BDP1: variants seen among roughly 807,000 people sequenced by gnomAD.
The protein encoded by BDP1 is BDP1 general transcription factor IIIB subunit.
BDP1 carries 169 observed loss-of-function variants against 266.6 expected under a neutral mutation model. The ratio of observed to expected loss-of-function variants is 0.63; its 90% CI spans 0.56 to 0.72. The LOEUF (loss-of-function observed/expected upper bound fraction) is 0.72. Among genes scored for constraint, BDP1 ranks in the 30% least tolerant of loss-of-function variants. The pLI is 0.00. For missense variants in BDP1, 3,015 were observed against 3,053.8 expected (o/e 0.99, Z 0.30); for synonymous variants, 1,090 against 1,022.4 (o/e 1.07, Z -1.26).
rs1038391424 is a variant in BDP1, at chr5:71,562,567, A to G, written c.7743+47A>G. Reference sequence around the variant, plus strand: ...TTATAGTTTGTATGAGATGGGTTGGATATGAGATTCAACTAGGGAAAACAT... The same window carrying G: ...TTATAGTTTGTATGAGATGGGTTGGGTATGAGATTCAACTAGGGAAAACAT... On this transcript the variant is annotated intron_variant, in intron 38 of 38. Coordinates refer to ENST00000358731, the MANE Select transcript of BDP1 (RefSeq NM_018429.3). 9.5e-6 allele frequency: 15 copies of G among 1,577,738 alleles called. No homozygotes were observed. In the African/African-American group the frequency reaches 1.6e-4, roughly 17 times the overall value.
At chr5:71,545,368 G>A in intron 32 of BDP1, 149 bp downstream of exon 32, 1 of 786,302 alleles carries the variant, frequency 1.3e-6, no homozygotes, top group South Asian at 1.8e-5. Flanking sequence ...GTCTTGTTCT[G>A]TTGCCCAGGC....
chr5:71,531,331 T>G (rs904340619), intron 25 of BDP1, among the ~76,000 whole-genome samples: 1 of 151,980 alleles, frequency 6.6e-6, no homozygotes, highest in African/African-American at 2.4e-5. Flanking sequence ...GTAAATACCT[T>G]TTTAGTGCTC....
chr5:71,474,517 A>T (rs1762467936), intron 7 of BDP1, among the ~76,000 whole-genome samples: 1 of 151,884 alleles, frequency 6.6e-6, no homozygotes, highest in Non-Finnish European at 1.5e-5. Context: ...TTTTTTGTAC[A>T]GATGAGTTTT....
intron 30 of BDP1, among the ~76,000 whole-genome samples, chr5:71,544,066 A>G (rs1664876817): frequency 6.6e-6 from 1 of 152,204 alleles, no homozygotes; most frequent in Non-Finnish European, 1.5e-5. Flanking sequence ...AGTCTCTTTT[A>G]TATGTTGAGT....
At chr5:71,470,540 A>C (rs1762175123) in intron 7 of BDP1, 51 bp downstream of exon 7, 2 of 1,199,326 alleles carry the variant, frequency 1.7e-6, no homozygotes, top group Admixed American at 2.0e-5. Context: ...AAACATTACA[A>C]ATGTTAGTAG....
rs1744100726 is a variant in BDP1, at chr5:71,567,472, T to G, written c.*2587T>G. The stretch of plus-strand genomic sequence containing the variant: ...TGGAAAGAACTATGTTAGGTCTGAT[T>G]CATGTGAAGAAGATGTTGCAAAGGA... On this transcript the variant is annotated 3_prime_UTR_variant, in exon 39 of 39. Transcript: ENST00000358731. 1 of 152,298 alleles carries G rather than the reference T, an allele frequency of 6.6e-6. No individual in the cohort carries two copies. Among genetic ancestry groups the G allele is most frequent in the South Asian group, 2.1e-4 (1 of 4,834 alleles). The allele number at this position is 152,298 out of a possible 1,614,324, so 9.4% of individuals were successfully genotyped here. A position where few individuals can be genotyped will look rare whatever the true frequency, so the allele number is the denominator to read the frequency against.
Position 71,471,641 on chromosome 5 carries a change from C to G in BDP1, c.1014+1152C>G, listed in dbSNP as rs187002466. On this transcript the variant is annotated intron_variant, in intron 7 of 38. Transcript: ENST00000358731. ...ATATGCCCAAGAGGATGAGCTTTCT[C>G]TGTTTTTTAGTTTCTTTGCTTGAGA... Among the ~76,000 whole-genome samples the G allele has an allele frequency of 2.5e-3, 380 of 152,284 alleles. 2 individuals carry two copies. The highest frequency in any genetic ancestry group is 8.2e-3 in the African/African-American group (340 of 41,560).
chr5:71,502,416 C>T (rs889253478), intron 14 of BDP1, among the ~76,000 whole-genome samples, 183 bp from the exon 15 acceptor site: 13 of 151,974 alleles, frequency 8.6e-5, no homozygotes, highest in African/African-American at 2.9e-4. Flanking sequence ...TCAAATGATT[C>T]GCCCGCCTCG....
chr5:71,489,500 C>T lies in BDP1; in HGVS notation c.1310C>T (p.Thr437Ile), dbSNP rs1763457617. 4 of 1,614,022 alleles carry T rather than the reference C, an allele frequency of 2.5e-6. No individual in the cohort carries two copies. The highest frequency in any genetic ancestry group is 1.7e-4 in the Middle Eastern group (1 of 6,060). Residue 437 changes from threonine to isoleucine, a missense_variant, in exon 10 of 39, where the codon ACA becomes ATA. Thr to Ile is a moderately conservative substitution (Grantham distance 89, BLOSUM62 -1). Transcript: ENST00000358731. Reference sequence around the variant, plus strand: ...GAAAGATCTCAGAAGGATGCTCAGACAGTTGAAGAAGAGTCTCTGACCTTA... The same window carrying T: ...GAAAGATCTCAGAAGGATGCTCAGATAGTTGAAGAAGAGTCTCTGACCTTA... The part of the protein sequence containing the change: ...DTERSQKDAQ[T>I]VEEESLTLSR...
rs1461434719 is a variant in BDP1 at position 71,565,833 on chromosome 5, A to G, written c.*948A>G. 6.5e-6 allele frequency: 1 copy of G among 152,714 alleles called. No homozygotes were observed. The highest frequency in any genetic ancestry group is 2.4e-5 in the African/African-American group (1 of 41,452). 9.5% of individuals were successfully genotyped at this position (152,714 alleles called of 1,614,324 possible). ...TGAAAAATACATATTTTTCTAATTC[A>G]TGGTGATGTAACATTAGTCCTAATT... On this transcript the variant is annotated 3_prime_UTR_variant, in exon 39 of 39. Coordinates refer to ENST00000358731, the MANE Select transcript of BDP1 (RefSeq NM_018429.3).
At chr5:71,551,922 C>A (rs1303866338) in intron 34 of BDP1, among the ~76,000 whole-genome samples, 1 of 149,868 alleles carries the variant, frequency 6.7e-6, no homozygotes, top group Non-Finnish European at 1.5e-5. Context: ...CCACCTCCCT[C>A]CCGGACGGGG....
At chr5:71,491,555 T>C (rs1167819846) in intron 11 of BDP1, among the ~76,000 whole-genome samples, 1 of 152,124 alleles carries the variant, frequency 6.6e-6, no homozygotes, top group East Asian at 1.9e-4. Context: ...AGATTTTTTA[T>C]GTGTACTATA....
At chr5:71,534,748 T>TTGTCCTATCAAG (rs775980240) in intron 26 of BDP1, among the ~76,000 whole-genome samples, 1 of 152,084 alleles carries the variant, frequency 6.6e-6, no homozygotes, top group Non-Finnish European at 1.5e-5. Context: ...TTCAAGCAAT[T>TTGTCCTATCAAG]CTCCTGTCTC....
chr5:71,515,939 TTTAA>T (rs1765191317), intron 20 of BDP1, 118 bp from the exon 21 acceptor site: 1 of 642,004 alleles, frequency 1.6e-6, no homozygotes, highest in East Asian at 2.8e-5. Flanking sequence ...GCAATTTCCC[TTTAA>T]TGGTACAAAG....
chr5:71,536,526 A>G (rs1766605838), intron 26 of BDP1, among the ~76,000 whole-genome samples: 1 of 152,232 alleles, frequency 6.6e-6, no homozygotes, highest in African/African-American at 2.4e-5. Context: ...GGTTTTCTTT[A>G]GGAAGCAATT....
chr5:71,491,919 A>G (rs974603566), intron 11 of BDP1, among the ~76,000 whole-genome samples: 3 of 152,032 alleles, frequency 2.0e-5, no homozygotes, highest in Admixed American at 2.0e-4. Flanking sequence ...GGGTTTCACC[A>G]TTTTGCTCAG....
intron 16 of BDP1, 57 bp downstream of exon 16, chr5:71,504,808 C>CAA: frequency 6.4e-7 from 1 of 1,562,690 alleles, no homozygotes. Context: ...TTTTAGAACT[C>CAA]AATCAGTTTT....
intron 7 of BDP1, among the ~76,000 whole-genome samples, chr5:71,474,202 G>A (rs1017848167): frequency 9.9e-5 from 15 of 151,252 alleles, no homozygotes; most frequent in Middle Eastern, 3.2e-3. Flanking sequence ...GGGTGGTCTC[G>A]ATCTCCTGAC....
chr5:71,516,014 C>A (rs1036667750), intron 20 of BDP1, 47 bp from the exon 21 acceptor site: 7 of 1,397,114 alleles, frequency 5.0e-6, no homozygotes, highest in African/African-American at 1.5e-5. Context: ...TAGTTTTCAG[C>A]TTTTTACAGT....
Sources: gnomAD v4.1 joint callset for allele counts (sites outside exome capture counted in the v4.1 genomes callset) on GRCh38, gnomAD v4.1.1 for gene constraint, MANE v1.5 for transcripts, NCBI Gene and HGNC (gene_info 2026-07-23, HGNC 2026-07-21) for gene names.